Variants in ADGRL3 observed in about 807,000 individuals in gnomAD.
ADGRL3 encodes calcium-independent alpha-latrotoxin receptor 3.
In ADGRL3, 62 loss-of-function variants were observed where a neutral mutation model predicts 153.5. The observed-to-expected ratio is 0.40, with a 90% CI of 0.33 to 0.50. The LOEUF is 0.50. ADGRL3 is among the 20% of genes least tolerant of loss of function. ADGRL3 has a pLI of 0.47. For synonymous variants in ADGRL3, 710 were observed against 672.5 expected (o/e 1.06, Z -0.86); for missense variants, 1,641 against 1,859.4 (o/e 0.88, Z 2.16).
chr4:61,715,204 C>T (rs2096082818), intron 6 of ADGRL3, among the ~76,000 whole-genome samples: 1 of 152,130 alleles, frequency 6.6e-6, no homozygotes. Flanking sequence ...TTCTTTCTTA[C>T]ATTCGACTGG....
chr4:61,592,452 A>G (rs2098973591), intron 5 of ADGRL3, among the ~76,000 whole-genome samples: 1 of 152,200 alleles, frequency 6.6e-6, no homozygotes, highest in South Asian at 2.1e-4. Flanking sequence ...CATTCTATGT[A>G]ATAAAAAGAA....
At chr4:61,367,447 C>T (rs1192937692) in intron 1 of ADGRL3, among the ~76,000 whole-genome samples, 12 of 149,496 alleles carry the variant, frequency 8.0e-5, no homozygotes, top group Non-Finnish European at 1.2e-4. Context: ...TCCATGTGTT[C>T]TCATTGTTCA....
At chr4:61,800,243 G>GAT (rs1355714012) in intron 8 of ADGRL3, among the ~76,000 whole-genome samples, 7 of 152,220 alleles carry the variant, frequency 4.6e-5, no homozygotes, top group Admixed American at 3.3e-4. Flanking sequence ...GTATATATGG[G>GAT]ATATATAGAT....
chr4:62,015,048 G>T (rs906049787), intron 21 of ADGRL3, among the ~76,000 whole-genome samples: 3 of 152,140 alleles, frequency 2.0e-5, no homozygotes, highest in Admixed American at 2.0e-4. Context: ...AGTTACCTAA[G>T]ACAAAAGACT....
At chr4:61,952,363 C>T (rs2098950187) in intron 17 of ADGRL3, among the ~76,000 whole-genome samples, 1 of 151,652 alleles carries the variant, frequency 6.6e-6, no homozygotes, top group East Asian at 2.0e-4. Flanking sequence ...CTTGTAGTCC[C>T]AGCTACTTGG....
intron 11 of ADGRL3, among the ~76,000 whole-genome samples, chr4:61,900,412 T>C (rs1256666134): frequency 6.6e-6 from 1 of 152,216 alleles, no homozygotes; most frequent in Non-Finnish European, 1.5e-5. Flanking sequence ...AAGTTAGAGA[T>C]TAAATTCTGT....
intron 3 of ADGRL3, among the ~76,000 whole-genome samples, chr4:61,508,291 A>C (rs2098442968): frequency 6.6e-6 from 1 of 152,204 alleles, no homozygotes; most frequent in African/African-American, 2.4e-5. Context: ...AGTGCCAGCT[A>C]TGAAAGCCAA....
chr4:62,031,715 G>T, intron 23 of ADGRL3, 105 bp downstream of exon 23: 2 of 758,920 alleles, frequency 2.6e-6, no homozygotes, highest in Non-Finnish European at 4.0e-6. Context: ...TTGTCTACAA[G>T]AAATAAAGAT....
At chr4:61,283,838 G>A (rs1247853977) in intron 1 of ADGRL3, among the ~76,000 whole-genome samples, 1 of 151,954 alleles carries the variant, frequency 6.6e-6, no homozygotes, top group African/African-American at 2.4e-5. Flanking sequence ...TTAAGCACCT[G>A]ATTGTCCGTG....
chr4:61,376,612 G>GTAC lies in ADGRL3; in HGVS notation c.-239-6510_-239-6508dup, dbSNP rs202232896. Among the ~76,000 whole-genome samples the GTAC allele has an allele frequency of 1.1e-3, 163 of 152,154 alleles. 2 individuals are homozygous for GTAC. In the East Asian group the frequency reaches 0.03, roughly 28 times the overall value. On this transcript the variant is annotated intron_variant, in intron 1 of 26. Coordinates refer to ENST00000683033, the MANE Select transcript of ADGRL3 (RefSeq NM_001387552.1). ...CTTGCTCATATGGAATTTCCATTTT[G>GTAC]TACTGAATCGTTTTCTAGATGTCTG... is the stretch of plus-strand genomic sequence containing the variant.
intron 17 of ADGRL3, among the ~76,000 whole-genome samples, chr4:61,975,324 C>A (rs1267365275): frequency 6.6e-6 from 1 of 151,918 alleles, no homozygotes; most frequent in South Asian, 2.1e-4. Context: ...AAGTAAGCCA[C>A]GCAGATATCT....
chr4:61,786,473 G>A (rs980133754), intron 8 of ADGRL3, among the ~76,000 whole-genome samples: 4 of 152,118 alleles, frequency 2.6e-5, no homozygotes, highest in Non-Finnish European at 4.4e-5. Context: ...AAGAGCATTC[G>A]TGAGATGATA....
chr4:61,818,291 C>G (rs1283776380), intron 9 of ADGRL3, among the ~76,000 whole-genome samples: 6 of 152,134 alleles, frequency 3.9e-5, no homozygotes, highest in African/African-American at 1.4e-4. Context: ...GTCATTAAAC[C>G]TTAAAGCTCC....
At chr4:61,738,766 T>C (rs73823224) in intron 8 of ADGRL3, among the ~76,000 whole-genome samples, 1,628 of 152,300 alleles carry the variant, frequency 0.011, 37 homozygotes, top group African/African-American at 0.036. Flanking sequence ...AGAAGAAATG[T>C]CTTGAGAAAT....
At chr4:61,661,247 T>C (rs2094584131) in intron 5 of ADGRL3, among the ~76,000 whole-genome samples, 1 of 152,126 alleles carries the variant, frequency 6.6e-6, no homozygotes, top group Non-Finnish European at 1.5e-5. Context: ...TATCCTGACA[T>C]TTGCACATAT....
intron 6 of ADGRL3, among the ~76,000 whole-genome samples, chr4:61,714,799 C>T (rs1233556712): frequency 6.6e-6 from 1 of 152,092 alleles, no homozygotes; most frequent in African/African-American, 2.4e-5. Flanking sequence ...TTTGGCTTTT[C>T]CTCTTTTTCT....
At chr4:61,380,202 G>A (rs2151883987) in intron 1 of ADGRL3, among the ~76,000 whole-genome samples, 1 of 152,026 alleles carries the variant, frequency 6.6e-6, no homozygotes, top group South Asian at 2.1e-4. Context: ...TTTTCTGTGT[G>A]TGTGTTTGTG....
At chr4:61,432,591 T>TTTCC (rs2097373169) in intron 2 of ADGRL3, among the ~76,000 whole-genome samples, 1 of 12,114 alleles carries the variant, frequency 8.3e-5, no homozygotes, top group Non-Finnish European at 2.2e-4. Context: ...TCTTTCTTTC[T>TTTCC]TTCTTTCTTT....
chr4:61,287,903 G>T (rs1297041325), intron 1 of ADGRL3, among the ~76,000 whole-genome samples: 2 of 151,926 alleles, frequency 1.3e-5, no homozygotes, highest in Admixed American at 6.6e-5. Context: ...GGAACTCATG[G>T]TCATTGAGAC....
Sources: gnomAD v4.1 joint callset for allele counts (sites outside exome capture counted in the v4.1 genomes callset) on GRCh38, gnomAD v4.1.1 for gene constraint, MANE v1.5 for transcripts, NCBI Gene and HGNC (gene_info 2026-07-23, HGNC 2026-07-21) for gene names.